The following GZF1 variants were observed in gnomAD, a reference collection of about 807,000 sequenced individuals.
The protein encoded by GZF1 is GDNF-inducible zinc finger protein 1.
A neutral mutation model predicts 49.4 loss-of-function variants in GZF1; 28 were observed. The ratio of observed to expected loss-of-function variants is 0.57; its 90% CI spans 0.42 to 0.78. GZF1 has a LOEUF of 0.78. Among genes scored for constraint, GZF1 ranks in the 30% least tolerant of loss-of-function variants. The probability of loss-of-function intolerance (pLI) is 0.00; values close to 1 mark genes in which losing one functional copy is unlikely to be tolerated. For missense variants in GZF1, 798 were observed against 916.2 expected (o/e 0.87, Z 1.67); for synonymous variants, 364 against 356.0 (o/e 1.02, Z -0.25).
In GZF1 at chr20:23,364,465, G is replaced by C. The variant is rs774832417; in HGVS notation, c.82G>C (p.Gly28Arg). The change falls in exon 2 of 6, where the codon GGT becomes CGT. Residue 28 changes from glycine (G) to arginine (R), a missense_variant. Around this residue, in one of 3 missense-constraint regions of GZF1, gnomAD observed 105 missense variants for 147.5 expected, o/e 0.71. Coordinates refer to ENST00000338121, the MANE Select transcript of GZF1 (RefSeq NM_022482.5). ...LHEMHELRLLGHLCDVTVSVE... is the reference protein window; with the variant it reads ...LHEMHELRLLRHLCDVTVSVE... ...TGAGATGCATGAGCTTCGCCTCCTG[G>C]GTCACCTGTGTGACGTGACAGTCAG... is the stretch of plus-strand genomic sequence containing the variant. 6.2e-7 allele frequency: 1 copy of C among 1,614,170 alleles called. No homozygotes were observed. Among genetic ancestry groups the C allele is most frequent in the South Asian group, 1.1e-5 (1 of 91,088 alleles).
At chr20:23,369,556 C>A (rs1187561435) in intron 4 of GZF1, 28 bp from the exon 5 acceptor site, 2 of 1,586,526 alleles carry the variant, frequency 1.3e-6, no homozygotes, top group Non-Finnish European at 8.6e-7. Context: ...AAGGGACCCA[C>A]CAGCAGTCTC....
chr20:23,366,635 G>GTGTT (rs1308093103), intron 2 of GZF1, among the ~76,000 whole-genome samples: 1 of 152,138 alleles, frequency 6.6e-6, no homozygotes, highest in Admixed American at 6.5e-5. Context: ...AGTTCCTAAG[G>GTGTT]TGTTTGTGGC....
intron 2 of GZF1, 91 bp downstream of exon 2, chr20:23,365,838 A>C (rs1001259528): frequency 2.1e-6 from 3 of 1,424,718 alleles, no homozygotes; most frequent in African/African-American, 1.4e-5. Flanking sequence ...CTCACTGCTT[A>C]ATTTCTCCGC....
At chr20:23,369,793 C>T (rs769593312) in intron 5 of GZF1, 52 bp downstream of exon 5, 47 of 1,553,930 alleles carry the variant, frequency 3.0e-5, no homozygotes, top group Admixed American at 1.1e-4. Flanking sequence ...CTTAGATGCA[C>T]GGAAAGAGAA....
At chr20:23,366,037 G>A (rs1427523037) in intron 2 of GZF1, among the ~76,000 whole-genome samples, 1 of 152,208 alleles carries the variant, frequency 6.6e-6, no homozygotes, top group African/African-American at 2.4e-5. Flanking sequence ...GTTGGGCCTC[G>A]TTACCTTTAT....
At chr20:23,361,953 C>T (rs1004715965), upstream of GZF1, among the ~76,000 whole-genome samples, 7 of 152,198 alleles carry the variant, frequency 4.6e-5, no homozygotes, top group Non-Finnish European at 7.4e-5. Context: ...AGGCGCAGGC[C>T]TTGGCTCGCG....
chr20:23,371,472 G>A lies in GZF1; in HGVS notation c.*1031G>A, dbSNP rs1404783115. The A allele has an allele frequency of 1.3e-5, 2 of 152,578 alleles. No homozygotes were observed. The highest frequency in any genetic ancestry group is 2.9e-5 in the Non-Finnish European group (2 of 68,030). 9.5% of individuals were successfully genotyped at this position (152,578 alleles called of 1,614,324 possible). A position where few individuals can be genotyped will look rare whatever the true frequency, so the allele number is the denominator to read the frequency against. ...GGGAGCATGTGAGAACATAGCAGTA[G>A]GGACCAAAAGTCTCAGCACACTTAC... is the stretch of plus-strand genomic sequence containing the variant. On this transcript the variant is annotated 3_prime_UTR_variant, in exon 6 of 6. Coordinates refer to ENST00000338121, the MANE Select transcript of GZF1 (RefSeq NM_022482.5).
chr20:23,370,184 G>A lies in GZF1; in HGVS notation c.1879G>A (p.Glu627Lys), dbSNP rs767325112. The A allele has an allele frequency of 1.0e-4, 168 of 1,614,104 alleles. No homozygotes were observed. Among genetic ancestry groups the A allele is most frequent in the Non-Finnish European group, 1.4e-4 (163 of 1,180,034 alleles). ...CGGACACAAGACTGAACAGCCTGAC[G>A]AAGAGTATGTGTCATCCAAGCTTTC... Reference protein sequence around the residue: ...DDGHKTEQPDEEYVSSKLSDK... With the variant: ...DDGHKTEQPDKEYVSSKLSDK... The change falls in exon 6 of 6, where the codon GAA becomes AAA. Residue 627 changes from glutamate (E) to lysine (K), a missense_variant. By Grantham distance (56) the Glu-to-Lys change is moderately conservative. Transcript: ENST00000338121.
In GZF1 at chr20:23,365,228, G is replaced by C; in HGVS notation, c.845G>C (p.Cys282Ser). 8 of 1,603,150 alleles carry C rather than the reference G, an allele frequency of 5.0e-6. No homozygotes were observed. In the South Asian group the frequency reaches 8.9e-5, roughly 18 times the overall value. Residue 282 changes from cysteine to serine, a missense_variant, in exon 2 of 6, where the codon TGC becomes TCC. Cys to Ser is a moderately radical substitution (Grantham distance 112). This residue lies in a region of GZF1 where 247 missense variants were observed against 228.5 expected (regional missense o/e 1.08). Transcript: ENST00000338121. The part of the protein sequence containing the change: ...EMEQVSKNEG[C>S]QAGAELEELS... ...GAGCAGGTTTCCAAAAATGAGGGTT[G>C]CCAGGCAGGTGCTGAGTTGGAGGAA...
chr20:23,365,648 T>A lies in GZF1; in HGVS notation c.1265T>A (p.Leu422Gln). 1 of 1,602,236 alleles carries A rather than the reference T, an allele frequency of 6.2e-7. No homozygotes were observed. Among genetic ancestry groups the A allele is most frequent in the Non-Finnish European group, 8.5e-7 (1 of 1,178,818 alleles). Reference sequence around the variant, plus strand: ...AAGGGCCTGAGTTCCAAGACAGCGCTGCGGCTGCACGAGCGCACACACACG... The same window carrying A: ...AAGGGCCTGAGTTCCAAGACAGCGCAGCGGCTGCACGAGCGCACACACACG... ...CGKGLSSKTA[L>Q]RLHERTHTGD... The change falls in exon 2 of 6, where the codon CTG (leucine) becomes CAG (glutamine). Residue 422 changes from leucine (L) to glutamine (Q), a missense_variant. Transcript: ENST00000338121.
At chr20:23,364,336 T>C in intron 1 of GZF1, 27 bp from the exon 2 acceptor site, 1 of 1,374,804 alleles carries the variant, frequency 7.3e-7, no homozygotes, top group Non-Finnish European at 9.9e-7. Context: ...TGGTTGCTCA[T>C]GCATAATTCT....
Position 23,364,855 on chromosome 20 carries a change from A to G in GZF1, c.472A>G (p.Ser158Gly). ...EVEVSSGSQV[S>G]AAPAPRASVA... ...GGAGGTGAGCAGTGGCTCCCAAGTT[A>G]GTGCTGCTCCTGCCCCCAGGGCAAG... Residue 158 changes from serine (S) to glycine (G), a missense_variant, in exon 2 of 6, where the codon AGT becomes GGT. Physicochemically the swap from Ser to Gly is moderately conservative, Grantham distance 56 (BLOSUM62 0). This residue lies in a region of GZF1 where 247 missense variants were observed against 228.5 expected (regional missense o/e 1.08). Coordinates refer to ENST00000338121, the MANE Select transcript of GZF1 (RefSeq NM_022482.5). The G allele has an allele frequency of 1.2e-6, 2 of 1,614,218 alleles. No homozygotes were observed. The highest frequency in any genetic ancestry group is 1.7e-6 in the Non-Finnish European group (2 of 1,180,038).
intron 4 of GZF1, 52 bp from the exon 5 acceptor site, chr20:23,369,532 A>C: frequency 6.6e-7 from 1 of 1,518,860 alleles, no homozygotes; most frequent in Non-Finnish European, 8.9e-7. Context: ...TTCAGAATTA[A>C]GCACAGTAGG....
chr20:23,369,795 G>A (rs1981857876), intron 5 of GZF1, 54 bp downstream of exon 5: 2 of 1,551,922 alleles, frequency 1.3e-6, no homozygotes, highest in Admixed American at 1.8e-5. Context: ...TAGATGCACG[G>A]AAAGAGAAAT....
In GZF1 at chr20:23,371,791, C is replaced by G. The variant is rs973533295; in HGVS notation, c.*1350C>G. The G allele has an allele frequency of 6.6e-6, 1 of 152,188 alleles. No homozygotes were observed. Among genetic ancestry groups the G allele is most frequent in the Non-Finnish European group, 1.5e-5 (1 of 68,026 alleles). The allele number at this position is 152,188 out of a possible 1,614,324, so 9.4% of individuals were successfully genotyped here. On this transcript the variant is annotated 3_prime_UTR_variant, in exon 6 of 6. Transcript: ENST00000338121. ...TTCTCTACATTTTTAATTTATTAAA[C>G]TTGCTGTGAAAACACTTTGATTTTC...
Sources: allele counts gnomAD v4.1 joint callset (sites outside exome capture counted in the v4.1 genomes callset), GRCh38; gene constraint gnomAD v4.1.1; regional missense constraint gnomAD v4.1.1; transcripts MANE v1.5; gene names NCBI Gene and HGNC (gene_info 2026-07-23, HGNC 2026-07-21).